The following ZC3H12C variants were observed in gnomAD, a reference collection of about 807,000 sequenced individuals.
ZC3H12C encodes zinc finger CCCH-type containing 12C, also known as probable ribonuclease ZC3H12C.
Under a neutral mutation model 76.3 loss-of-function variants are expected in ZC3H12C, and 20 were observed. The ratio of observed to expected loss-of-function variants is 0.26; its 90% CI spans 0.18 to 0.38. ZC3H12C has a LOEUF of 0.38. Ranked by LOEUF, ZC3H12C falls within the 10% of genes least tolerant of loss-of-function variation. ZC3H12C has a pLI of 1.00. For missense variants in ZC3H12C, 874 were observed against 1,086.5 expected, an observed-to-expected ratio of 0.80 and a Z score of 2.75; for synonymous variants, 352 against 399.6, an observed-to-expected ratio of 0.88 and a Z score of 1.42.
At chr11:110,139,296 C>G (rs1317515847) in intron 2 of ZC3H12C, among the ~76,000 whole-genome samples, 1 of 152,148 alleles carries the variant, frequency 6.6e-6, no homozygotes, top group African/African-American at 2.4e-5. Flanking sequence ...CTATATTCTT[C>G]ATTACATAAA....
intron 1 of ZC3H12C, among the ~76,000 whole-genome samples, chr11:110,135,490 CAAAAA>C (rs60107794): frequency 3.1e-5 from 3 of 95,312 alleles, no homozygotes; most frequent in South Asian, 4.0e-4. Flanking sequence ...ACTCCCGTCT[CAAAAA>C]AAAAAAAAAA....
chr11:110,135,467 G>A (rs576625249), intron 1 of ZC3H12C, among the ~76,000 whole-genome samples: 32 of 119,872 alleles, frequency 2.7e-4, no homozygotes, highest in African/African-American at 8.5e-4. Context: ...TCCAGCCTGG[G>A]CAACAGAGTG....
intron 1 of ZC3H12C, among the ~76,000 whole-genome samples, chr11:110,117,094 T>C (rs929237090): frequency 6.6e-6 from 1 of 152,208 alleles, no homozygotes; most frequent in Non-Finnish European, 1.5e-5. Context: ...GGCCAGTTGG[T>C]TTGCCATTGA....
At chr11:110,146,872 G>C (rs1255021368) in intron 2 of ZC3H12C, among the ~76,000 whole-genome samples, 1 of 152,144 alleles carries the variant, frequency 6.6e-6, no homozygotes, top group Non-Finnish European at 1.5e-5. Context: ...CATAAAAGTA[G>C]AGAAGAATAA....
intron 1 of ZC3H12C, among the ~76,000 whole-genome samples, chr11:110,096,600 T>A (rs1565244241): frequency 1.3e-5 from 2 of 152,234 alleles, no homozygotes; most frequent in Admixed American, 1.3e-4. Context: ...GCAGTCTGAC[T>A]TTATAACCCA....
At chr11:110,112,090 A>C (rs558771936) in intron 1 of ZC3H12C, among the ~76,000 whole-genome samples, 2 of 152,298 alleles carry the variant, frequency 1.3e-5, no homozygotes, top group South Asian at 4.1e-4. Flanking sequence ...CTGTCCTTAT[A>C]ATATCCATTG....
intron 1 of ZC3H12C, among the ~76,000 whole-genome samples, chr11:110,105,353 G>T (rs1861302983): frequency 6.6e-6 from 1 of 152,072 alleles, no homozygotes. Context: ...AAAAATGTCT[G>T]TTTTAGGTTA....
chr11:110,113,895 C>T (rs1304718695), intron 1 of ZC3H12C, among the ~76,000 whole-genome samples: 1 of 152,086 alleles, frequency 6.6e-6, no homozygotes, highest in Non-Finnish European at 1.5e-5. Flanking sequence ...CTTTGAGTTT[C>T]TTGCCTCCCC....
In ZC3H12C at chr11:110,165,144, G is replaced by A. The variant is rs367576280; in HGVS notation, c.2059G>A (p.Gly687Arg). Residue 687 changes from glycine to arginine, a missense_variant, in exon 6 of 6, where the codon GGG becomes AGG. Coordinates refer to ENST00000278590, the MANE Select transcript of ZC3H12C (RefSeq NM_033390.2). ...GAATTTCCACGACCCCTTAACCAGA[G>A]GGCAAAGTTACAGTCACGAAGAACC... is the stretch of plus-strand genomic sequence containing the variant. ...LQNFHDPLTR[G>R]QSYSHEEPKF... 1 of 1,613,810 alleles carries A rather than the reference G, an allele frequency of 6.2e-7. No individual in the cohort carries two copies. The highest frequency in any genetic ancestry group is 8.5e-7 in the Non-Finnish European group (1 of 1,179,898).
In ZC3H12C at chr11:110,171,196, G is replaced by A. The variant is rs1170259701; in HGVS notation, c.*5459G>A. 6.6e-6 allele frequency: 1 copy of A among 152,188 alleles called. No individual in the cohort carries two copies. The highest frequency in any genetic ancestry group is 1.5e-5 in the Non-Finnish European group (1 of 68,006). 9.4% of individuals were successfully genotyped at this position (152,188 alleles called of 1,614,324 possible). ...AAAAGGCATTGAAAAGCAATCGTTT[G>A]TTTTTATGAAGAATAGGTGTTCAGA... is the stretch of plus-strand genomic sequence containing the variant. On this transcript the variant is annotated 3_prime_UTR_variant, in exon 6 of 6. Transcript: ENST00000278590.
intron 1 of ZC3H12C, among the ~76,000 whole-genome samples, chr11:110,130,196 G>A (rs1368602527): frequency 2.0e-5 from 3 of 152,226 alleles, no homozygotes; most frequent in Admixed American, 2.0e-4. Flanking sequence ...CATAGGATAG[G>A]TTATTCTGAT....
chr11:110,121,346 C>G (rs970496610), intron 1 of ZC3H12C, among the ~76,000 whole-genome samples: 1 of 152,198 alleles, frequency 6.6e-6, no homozygotes, highest in African/African-American at 2.4e-5. Context: ...AAGCAAAACA[C>G]AAGAATCCCG....
rs1862632315 is a variant in ZC3H12C at position 110,169,239 on chromosome 11, GATGT to G, written c.*3505_*3508del. On this transcript the variant is annotated 3_prime_UTR_variant, in exon 6 of 6. Coordinates refer to ENST00000278590, the MANE Select transcript of ZC3H12C (RefSeq NM_033390.2). The stretch of plus-strand genomic sequence containing the variant: ...AAATAATTATTTAACATGTCTTATG[GATGT>G]ATCTATATGTATATAGACAGTAATA... 2.0e-5 allele frequency: 3 copies of G among 151,782 alleles called. No individual in the cohort carries two copies. The highest frequency in any genetic ancestry group is 2.9e-5 in the Non-Finnish European group (2 of 67,950). 9.4% of individuals were successfully genotyped at this position (151,782 alleles called of 1,614,324 possible).
chr11:110,139,667 T>C (rs1372786570), intron 2 of ZC3H12C, among the ~76,000 whole-genome samples: 1 of 152,134 alleles, frequency 6.6e-6, no homozygotes, highest in Non-Finnish European at 1.5e-5. Context: ...CTTAGTGATA[T>C]TAAGACCAAA....
chr11:110,151,784 G>C (rs1293785881), intron 2 of ZC3H12C, among the ~76,000 whole-genome samples: 3 of 152,122 alleles, frequency 2.0e-5, no homozygotes, highest in African/African-American at 7.2e-5. Context: ...TGGACCATTA[G>C]GACAGGACTA....
Position 110,165,863 on chromosome 11 carries a change from A to C in ZC3H12C, c.*126A>C, listed in dbSNP as rs1439307471. On this transcript the variant is annotated 3_prime_UTR_variant, in exon 6 of 6. Transcript: ENST00000278590. ...GGTTATATAGTATCCATTTATGTGA[A>C]ATACTGTATCATGGAATCTGTATGT... 2 of 895,348 alleles carry C rather than the reference A, an allele frequency of 2.2e-6. No homozygotes were observed. The highest frequency in any genetic ancestry group is 1.7e-6 in the Non-Finnish European group (1 of 603,886). 55.5% of individuals were successfully genotyped at this position (895,348 alleles called of 1,614,324 possible).
intron 1 of ZC3H12C, among the ~76,000 whole-genome samples, chr11:110,128,619 CAAAAG>C (rs1439683625): frequency 6.6e-6 from 1 of 152,126 alleles, no homozygotes; most frequent in Non-Finnish European, 1.5e-5. Context: ...TTGATATACA[CAAAAG>C]AAAGAGTTTC....
intron 1 of ZC3H12C, among the ~76,000 whole-genome samples, chr11:110,113,524 T>C (rs546463629): frequency 6.6e-6 from 1 of 152,360 alleles, no homozygotes; most frequent in South Asian, 2.1e-4. Context: ...TCTTTTGCAA[T>C]TCAATCCTAT....
chr11:110,140,534 C>A (rs1379610948), intron 2 of ZC3H12C, among the ~76,000 whole-genome samples: 3 of 152,186 alleles, frequency 2.0e-5, no homozygotes, highest in African/African-American at 7.2e-5. Context: ...CATGCCATAG[C>A]ACACATTCTT....
Sources: allele counts gnomAD v4.1 joint callset (sites outside exome capture counted in the v4.1 genomes callset), GRCh38; gene constraint gnomAD v4.1.1; transcripts MANE v1.5; gene names NCBI Gene and HGNC (gene_info 2026-07-23, HGNC 2026-07-21).